KRIT1: variants seen among roughly 807,000 people sequenced by gnomAD.
KRIT1 encodes KRIT1 ankyrin repeat containing.
A neutral mutation model predicts 95.8 loss-of-function variants in KRIT1; 45 were observed. The observed-to-expected ratio is 0.47, with a 90% CI of 0.37 to 0.60. The LOEUF is 0.60. KRIT1 is among the 20% of genes least tolerant of loss of function. KRIT1 has a pLI of 0.00. For missense variants in KRIT1, 788 were observed against 877.5 expected (o/e 0.90, Z 1.29); for synonymous variants, 282 against 278.8 (o/e 1.01, Z -0.11).
intron 2 of KRIT1, among the ~76,000 whole-genome samples, 199 bp downstream of exon 2, chr7:92,244,703 A>G (rs1163586626): frequency 6.6e-6 from 1 of 152,270 alleles, no homozygotes; most frequent in Non-Finnish European, 1.5e-5. Flanking sequence ...CAAGAAAGGT[A>G]TAACTAGAGT....
rs1384707114 is a variant in KRIT1 at position 92,244,917 on chromosome 7, A to C, written c.-166T>G. On this transcript the variant is annotated 5_prime_UTR_variant, in exon 2 of 19. In the 5' UTR this introduces an upstream ATG that the reference lacks. Transcript: ENST00000394505. ...TGGCACCTACCTGGGATCACTGGAA[A>C]ATATGGAGGGCATTTCTGGTTGTCA... 1 of 152,248 alleles carries C rather than the reference A, an allele frequency of 6.6e-6. No individual in the cohort carries two copies. Among genetic ancestry groups the C allele is most frequent in the Non-Finnish European group, 1.5e-5 (1 of 68,078 alleles). 9.4% of individuals were successfully genotyped at this position (152,248 alleles called of 1,614,324 possible).
At chr7:92,237,553 TG>T in intron 6 of KRIT1, 113 bp downstream of exon 6, 1 of 471,156 alleles carries the variant, frequency 2.1e-6, no homozygotes, top group Non-Finnish European at 3.8e-6. Flanking sequence ...TTTTAAAATA[TG>T]TATTTTATAA....
At chr7:92,232,624 T>C (rs79580924) in intron 10 of KRIT1, among the ~76,000 whole-genome samples, 18,290 of 152,154 alleles carry the variant, frequency 0.12, 1,261 homozygotes, top group East Asian at 0.36. Context: ...AAATCTATAG[T>C]ATACTTTTTT....
At chr7:92,216,692 A>G (rs1244448719) in intron 14 of KRIT1, among the ~76,000 whole-genome samples, 1 of 152,218 alleles carries the variant, frequency 6.6e-6, no homozygotes, top group African/African-American at 2.4e-5. Flanking sequence ...ATTGTTAACA[A>G]CTTGTGATCT....
intron 17 of KRIT1, among the ~76,000 whole-genome samples, chr7:92,210,006 G>A (rs1393731186): frequency 6.6e-6 from 1 of 152,158 alleles, no homozygotes; most frequent in Non-Finnish European, 1.5e-5. Flanking sequence ...CCAAGAGGTA[G>A]AGGTTGCAGT....
chr7:92,224,264 C>G (rs1795758132), intron 12 of KRIT1, among the ~76,000 whole-genome samples: 1 of 152,080 alleles, frequency 6.6e-6, no homozygotes, highest in African/African-American at 2.4e-5. Flanking sequence ...ACCCTTTATC[C>G]TTTATTTGTT....
At position 92,226,538 on chromosome 7, in the gene KRIT1, T is replaced by A. The variant is rs752464613; in HGVS notation, c.1134A>T (p.Pro378=). 9.3e-6 allele frequency: 15 copies of A among 1,611,914 alleles called. No homozygotes were observed. In the Middle Eastern group the frequency reaches 5.0e-4, roughly 53 times the overall value. ...GAAAATAACTTACTCTATCCGTTTC[T>A]GGGTGGTTTAGGAGAATCTGTACTA... ...AEIVQILLNH[P]ETDRHITDQQ... Residue 378 remains proline (P), a synonymous_variant, in exon 11 of 19, where the codon CCA becomes CCT. Transcript: ENST00000394505.
chr7:92,234,344 TAGAGAA>T, intron 10 of KRIT1, 99 bp downstream of exon 10: 2 of 908,352 alleles, frequency 2.2e-6, no homozygotes, highest in East Asian at 2.6e-5. Flanking sequence ...GGCAAACAGG[TAGAGAA>T]AAAGTATTTG....
chr7:92,225,846 AG>A lies in KRIT1; in HGVS notation c.1147-20del. On this transcript the variant is annotated intron_variant, in intron 11 of 18. Coordinates refer to ENST00000394505, the MANE Select transcript of KRIT1 (RefSeq NM_194454.3). ...TTATATGCTAGAAATGTGGGTGGGGAGGGGGAAAAAAGGCATTACATATTAT... is the reference window on the plus strand; with the variant it reads ...TTATATGCTAGAAATGTGGGTGGGGAGGGGAAAAAAGGCATTACATATTAT... 7.4e-7 allele frequency: 1 copy of A among 1,354,892 alleles called. No individual in the cohort carries two copies. 83.9% of individuals were successfully genotyped at this position (1,354,892 alleles called of 1,614,324 possible).
rs191687568 is a variant in KRIT1 at position 92,218,239 on chromosome 7, G to C, written c.1564-3462C>G. Reference sequence around the variant, plus strand: ...GCTATTAAAAAAAAACAAAGACAAAGACAAAAACAAAAACAAAACTTTTTT... The same window carrying C: ...GCTATTAAAAAAAAACAAAGACAAACACAAAAACAAAAACAAAACTTTTTT... On this transcript the variant is annotated intron_variant, in intron 14 of 18. Coordinates refer to ENST00000394505, the MANE Select transcript of KRIT1 (RefSeq NM_194454.3). Among the ~76,000 whole-genome samples the C allele has an allele frequency of 2.9e-3, 441 of 151,826 alleles. 4 individuals are homozygous for C. Among genetic ancestry groups the C allele is most frequent in the African/African-American group, 0.01 (419 of 41,380 alleles).
In KRIT1 at chr7:92,213,912, G is replaced by A. The variant is rs767088205; in HGVS notation, c.1798C>T (p.Arg600Cys). The A allele has an allele frequency of 7.5e-6, 12 of 1,603,238 alleles. No individual in the cohort carries two copies. Among genetic ancestry groups the A allele is most frequent in the African/African-American group, 2.7e-5 (2 of 74,640 alleles). Reference sequence around the variant, plus strand: ...CTTACCTTGTATTCATGAAGTATGCGATTTGTCCAGTGAGGTGCCTTACTT... The same window carrying A: ...CTTACCTTGTATTCATGAAGTATGCAATTTGTCCAGTGAGGTGCCTTACTT... ...LKSKAPHWTN[R>C]ILHEYKNLST... The change falls in exon 16 of 19, where the codon CGC becomes TGC. Residue 600 changes from arginine (R) to cysteine (C), a missense_variant. Coordinates refer to ENST00000394505, the MANE Select transcript of KRIT1 (RefSeq NM_194454.3).
intron 7 of KRIT1, 79 bp downstream of exon 7, chr7:92,236,334 G>A: frequency 2.2e-6 from 2 of 920,998 alleles, no homozygotes; most frequent in South Asian, 2.8e-5. Context: ...TTCTCAAAGT[G>A]TCTGTATCTA....
intron 4 of KRIT1, among the ~76,000 whole-genome samples, 158 bp from the exon 5 acceptor site, chr7:92,241,310 G>C (rs1799583286): frequency 6.6e-6 from 1 of 152,170 alleles, no homozygotes; most frequent in African/African-American, 2.4e-5. Context: ...CCACACAGAT[G>C]GGAATGTCTG....
Position 92,214,752 on chromosome 7 carries a change from A to T in KRIT1, c.1589T>A (p.Ile530Asn). ...ATTATATCTGGCTTCATCAAAGAGAATAAGAATAGCTAGTGGGTCTTCAAT... is the reference window on the plus strand; with the variant it reads ...ATTATATCTGGCTTCATCAAAGAGATTAAGAATAGCTAGTGGGTCTTCAAT... ...KQIEDPLAIL[I>N]LFDEARYNLL... The change falls in exon 15 of 19, where the codon ATT (isoleucine) becomes AAT (asparagine). Residue 530 changes from isoleucine to asparagine, a missense_variant. Transcript: ENST00000394505. 6.2e-7 allele frequency: 1 copy of T among 1,604,344 alleles called. No homozygotes were observed. The highest frequency in any genetic ancestry group is 8.5e-7 in the Non-Finnish European group (1 of 1,171,298).
chr7:92,207,429 T>C (rs1418808651), intron 17 of KRIT1, among the ~76,000 whole-genome samples: 1 of 151,584 alleles, frequency 6.6e-6, no homozygotes, highest in African/African-American at 2.4e-5. Flanking sequence ...ATTTTTGCCA[T>C]TGTTATTAGA....
At chr7:92,216,977 A>G (rs949823605) in intron 14 of KRIT1, among the ~76,000 whole-genome samples, 19 of 152,322 alleles carry the variant, frequency 1.2e-4, no homozygotes, top group African/African-American at 4.6e-4. Flanking sequence ...TGTTTTTCAG[A>G]TGGTACAAAC....
chr7:92,226,790 A>G (rs1796293622), intron 10 of KRIT1, 108 bp from the exon 11 acceptor site: 2 of 962,046 alleles, frequency 2.1e-6, no homozygotes, highest in Admixed American at 4.5e-5. Flanking sequence ...TCTCAAAGAA[A>G]TCTAAGAATT....
chr7:92,244,757 A>G (rs1035578340), intron 2 of KRIT1, 145 bp downstream of exon 2: 3 of 152,362 alleles, frequency 2.0e-5, no homozygotes, highest in South Asian at 2.1e-4. Flanking sequence ...GTTCAAGTGA[A>G]TAAGTACAGG....
intron 14 of KRIT1, among the ~76,000 whole-genome samples, chr7:92,220,660 A>G (rs1434066321): frequency 7.0e-6 from 1 of 143,580 alleles, no homozygotes; most frequent in African/African-American, 2.6e-5. Flanking sequence ...TTAAGCTGTT[A>G]TAATCTCTCC....
Sources: gnomAD v4.1 joint callset for allele counts (sites outside exome capture counted in the v4.1 genomes callset) on GRCh38, gnomAD v4.1.1 for gene constraint, MANE v1.5 for transcripts, NCBI Gene and HGNC (gene_info 2026-07-23, HGNC 2026-07-21) for gene names.